Variants in IGF2BP3 observed in about 807,000 individuals in gnomAD.
The protein encoded by IGF2BP3 is insulin like growth factor 2 mRNA binding protein 3.
Under a neutral mutation model 73.8 loss-of-function variants are expected in IGF2BP3, and 9 were observed. The observed-to-expected ratio is 0.12, with a 90% CI of 0.07 to 0.21. The LOEUF is 0.21. Ranked by LOEUF, IGF2BP3 falls within the 10% of genes least tolerant of loss-of-function variation. The pLI, the probability that IGF2BP3 is intolerant of heterozygous loss-of-function variation, is 1.00. For synonymous variants in IGF2BP3, 258 were observed against 256.7 expected (o/e 1.01, Z -0.05); for missense variants, 542 against 714.0 (o/e 0.76, Z 2.75).
At chr7:23,359,140 A>C (rs1319917234) in intron 5 of IGF2BP3, among the ~76,000 whole-genome samples, 4 of 152,352 alleles carry the variant, frequency 2.6e-5, no homozygotes, top group Non-Finnish European at 5.9e-5. Flanking sequence ...AACTACGCTA[A>C]AGAATTTTGA....
intron 2 of IGF2BP3, among the ~76,000 whole-genome samples, chr7:23,432,088 G>T (rs1167754513): frequency 6.6e-6 from 1 of 152,094 alleles, no homozygotes; most frequent in Admixed American, 6.6e-5. Flanking sequence ...AGATCTCCAT[G>T]GTAACAGCTA....
At chr7:23,453,553 T>C (rs1788248590) in intron 2 of IGF2BP3, among the ~76,000 whole-genome samples, 1 of 152,226 alleles carries the variant, frequency 6.6e-6, no homozygotes, top group Non-Finnish European at 1.5e-5. Flanking sequence ...TTGTACGATA[T>C]TGCTGATTAA....
intron 2 of IGF2BP3, among the ~76,000 whole-genome samples, chr7:23,422,692 A>G (rs1391003264): frequency 6.6e-6 from 1 of 152,186 alleles, no homozygotes. Flanking sequence ...GGAAGTTTGG[A>G]TGTTACTCCA....
At chr7:23,342,533 T>A (rs116359805) in intron 9 of IGF2BP3, among the ~76,000 whole-genome samples, 1 of 152,088 alleles carries the variant, frequency 6.6e-6, no homozygotes, top group East Asian at 1.9e-4. Flanking sequence ...AAGCAATGTA[T>A]CAGAGTTGAA....
chr7:23,318,214 C>G (rs545752037), intron 11 of IGF2BP3, among the ~76,000 whole-genome samples: 58 of 152,256 alleles, frequency 3.8e-4, no homozygotes, highest in African/African-American at 1.3e-3. Flanking sequence ...TTCAAGGATA[C>G]TGCACACCAC....
chr7:23,319,836 A>G (rs546883854), intron 10 of IGF2BP3, among the ~76,000 whole-genome samples: 1 of 152,296 alleles, frequency 6.6e-6, no homozygotes, highest in East Asian at 1.9e-4. Flanking sequence ...ATTAGGAGAG[A>G]GCTAATTCAC....
At chr7:23,443,468 C>G (rs893442023) in intron 2 of IGF2BP3, among the ~76,000 whole-genome samples, 8 of 151,918 alleles carry the variant, frequency 5.3e-5, no homozygotes, top group Admixed American at 2.6e-4. Flanking sequence ...GCCATGCTGA[C>G]CAGCCTGGCC....
rs147782909 is a variant in IGF2BP3 at position 23,468,415 on chromosome 7, C to T, written c.236+67G>A. On this transcript the variant is annotated intron_variant, in intron 2 of 14. Coordinates refer to ENST00000258729, the MANE Select transcript of IGF2BP3 (RefSeq NM_006547.3). ...TAAGCACCAGAGGACAAGAAGTTCT[C>T]AGCTGAGTCTCTCCACCCAATAACG... 2.5e-4 allele frequency: 381 copies of T among 1,532,378 alleles called. 1 individual carries two copies. Among genetic ancestry groups the T allele is most frequent in the African/African-American group, 1.9e-3 (138 of 73,444 alleles). The allele number at this position is 1,532,378 out of a possible 1,614,324, so 94.9% of individuals were successfully genotyped here.
intron 3 of IGF2BP3, among the ~76,000 whole-genome samples, chr7:23,417,376 C>T (rs914065536): frequency 1.3e-5 from 2 of 152,056 alleles, no homozygotes; most frequent in Admixed American, 1.3e-4. Flanking sequence ...CTTGACACTA[C>T]CTCAAAGGAC....
At chr7:23,371,922 A>C (rs1055670285) in intron 3 of IGF2BP3, among the ~76,000 whole-genome samples, 6 of 152,178 alleles carry the variant, frequency 3.9e-5, no homozygotes, top group African/African-American at 1.4e-4. Context: ...AGCCACACTG[A>C]AGTCACAGTG....
intron 3 of IGF2BP3, among the ~76,000 whole-genome samples, chr7:23,371,561 C>T (rs370460948): frequency 6.6e-6 from 1 of 152,178 alleles, no homozygotes; most frequent in Middle Eastern, 3.4e-3. Flanking sequence ...ATGTTAGCAC[C>T]GTAATTACTT....
chr7:23,320,111 C>T (rs561857497), intron 10 of IGF2BP3, among the ~76,000 whole-genome samples: 44 of 151,818 alleles, frequency 2.9e-4, no homozygotes, highest in African/African-American at 1.1e-3. Context: ...AGGGTTTCAC[C>T]ATGTTGGCCA....
intron 2 of IGF2BP3, among the ~76,000 whole-genome samples, chr7:23,432,963 A>T (rs1256734857): frequency 6.6e-6 from 1 of 152,340 alleles, no homozygotes; most frequent in Admixed American, 6.5e-5. Context: ...AAAAGTCACC[A>T]CCAGTATTAC....
intron 2 of IGF2BP3, among the ~76,000 whole-genome samples, chr7:23,453,320 T>C (rs533035142): frequency 3.3e-5 from 5 of 152,310 alleles, no homozygotes; most frequent in African/African-American, 4.8e-5. Context: ...AACTCAAAGA[T>C]AGGCAATTGC....
rs573948045 is a variant in IGF2BP3, at chr7:23,379,160, T to C, written c.286-17419A>G. Among the ~76,000 whole-genome samples, 7 of 152,342 alleles carry C rather than the reference T, an allele frequency of 4.6e-5. 1 individual carries two copies. In the South Asian group the frequency reaches 6.2e-4, roughly 14 times the overall value. On this transcript the variant is annotated intron_variant, in intron 3 of 14. Transcript: ENST00000258729. ...CAATGGGTGGACAAATTATCAGTGT[T>C]ACAAATGTCTTTGAAATTTTTTCCT...
chr7:23,379,922 G>A (rs1785853315), intron 3 of IGF2BP3, among the ~76,000 whole-genome samples: 1 of 152,134 alleles, frequency 6.6e-6, no homozygotes, highest in Non-Finnish European at 1.5e-5. Flanking sequence ...AACGAGTGAA[G>A]TCTTACACAG....
intron 2 of IGF2BP3, among the ~76,000 whole-genome samples, chr7:23,457,721 G>A (rs1788355974): frequency 1.3e-5 from 2 of 152,178 alleles, no homozygotes; most frequent in African/African-American, 4.8e-5. Flanking sequence ...CACATGCATA[G>A]AGCTTCTAGA....
intron 12 of IGF2BP3, among the ~76,000 whole-genome samples, chr7:23,316,806 A>C (rs375637906): frequency 1.3e-5 from 2 of 152,308 alleles, no homozygotes; most frequent in South Asian, 2.1e-4. Flanking sequence ...CATACACTAA[A>C]AGGAATATAT....
intron 3 of IGF2BP3, among the ~76,000 whole-genome samples, chr7:23,407,514 C>A (rs13247732): frequency 1.6e-3 from 237 of 149,012 alleles, no homozygotes; most frequent in Non-Finnish European, 2.2e-3. Context: ...GAGGCCGAGG[C>A]AGGAGAATCA....
Sources: gnomAD v4.1 joint callset for allele counts (sites outside exome capture counted in the v4.1 genomes callset) on GRCh38, gnomAD v4.1.1 for gene constraint, MANE v1.5 for transcripts, NCBI Gene and HGNC (gene_info 2026-07-23, HGNC 2026-07-21) for gene names.